KCMF1: variants seen among roughly 807,000 people sequenced by gnomAD.
The protein encoded by KCMF1 is potassium channel modulatory factor 1.
Under a neutral mutation model 41.1 loss-of-function variants are expected in KCMF1, and 3 were observed. The ratio of observed to expected loss-of-function variants is 0.07; its 90% CI spans 0.03 to 0.19. The LOEUF (loss-of-function observed/expected upper bound fraction) is 0.19, where lower values mean the gene tolerates loss of function less well. Ranked by LOEUF, KCMF1 falls within the 10% of genes least tolerant of loss-of-function variation. The pLI is 1.00. For synonymous variants in KCMF1, 142 were observed against 164.5 expected (o/e 0.86, Z 1.04); for missense variants, 286 against 488.9 (o/e 0.58, Z 3.91).
intron 1 of KCMF1, among the ~76,000 whole-genome samples, chr2:84,999,647 A>G (rs895235891): frequency 4.6e-5 from 7 of 152,370 alleles, no homozygotes; most frequent in Admixed American, 1.3e-4. Context: ...ATTTATAGAT[A>G]TGGGTAGATA....
At chr2:85,038,561 A>G (rs1383007302) in intron 3 of KCMF1, among the ~76,000 whole-genome samples, 16 of 152,194 alleles carry the variant, frequency 1.1e-4, no homozygotes, top group Admixed American at 9.8e-4. Context: ...TGAAGTTGTC[A>G]TTGGCCGTGG....
intron 1 of KCMF1, among the ~76,000 whole-genome samples, chr2:84,979,401 G>A (rs1673645762): frequency 6.6e-6 from 1 of 151,820 alleles, no homozygotes; most frequent in African/African-American, 2.4e-5. Flanking sequence ...GCAGGCGCCT[G>A]TAATCCCAGC....
At chr2:84,974,920 G>A (rs1444518131) in intron 1 of KCMF1, among the ~76,000 whole-genome samples, 3 of 151,302 alleles carry the variant, frequency 2.0e-5, no homozygotes. Context: ...TGTTGGCCAG[G>A]GTGGTCTCAA....
At chr2:84,976,385 T>C (rs1220266465) in intron 1 of KCMF1, among the ~76,000 whole-genome samples, 1 of 152,026 alleles carries the variant, frequency 6.6e-6, no homozygotes, top group Non-Finnish European at 1.5e-5. Flanking sequence ...TTTTCTATTT[T>C]TAGTGGAGAC....
At chr2:85,048,000 A>C (rs2104063375) in intron 5 of KCMF1, among the ~76,000 whole-genome samples, 1 of 152,314 alleles carries the variant, frequency 6.6e-6, no homozygotes, top group East Asian at 1.9e-4. Flanking sequence ...ACTGTTGGGT[A>C]CTGGGCTTAA....
chr2:84,983,950 TA>T (rs750905774), intron 1 of KCMF1, among the ~76,000 whole-genome samples: 29 of 152,228 alleles, frequency 1.9e-4, no homozygotes, highest in Admixed American at 9.8e-4. Flanking sequence ...GCCAAAGTCT[TA>T]AATCTTAAAT....
chr2:85,040,422 C>T (rs1364420026), intron 3 of KCMF1, among the ~76,000 whole-genome samples: 2 of 152,132 alleles, frequency 1.3e-5, no homozygotes, highest in Non-Finnish European at 2.9e-5. Context: ...TATTTGTGCC[C>T]ATGAGTGGCA....
chr2:84,985,204 G>A lies in KCMF1; in HGVS notation c.16+13737G>A, dbSNP rs143566261. 9.2e-5 allele frequency among the ~76,000 whole-genome samples: 14 copies of A among 152,318 alleles called. No homozygotes were observed. In the East Asian group the frequency reaches 2.7e-3, roughly 29 times the overall value. On this transcript the variant is annotated intron_variant, in intron 1 of 6. Coordinates refer to ENST00000409785, the MANE Select transcript of KCMF1 (RefSeq NM_020122.5). ...GGGGTGGAAAGGGGTAGGAAGTGAA[G>A]TTGGCGTAGTTCGAGCCAGATCTTG... is the stretch of plus-strand genomic sequence containing the variant.
intron 1 of KCMF1, among the ~76,000 whole-genome samples, chr2:85,014,537 T>C (rs929001612): frequency 6.6e-6 from 1 of 151,812 alleles, no homozygotes. Flanking sequence ...TCACCTTCCC[T>C]TAAAAGGGCT....
intron 6 of KCMF1, among the ~76,000 whole-genome samples, chr2:85,050,986 G>A (rs944535211): frequency 6.6e-6 from 1 of 152,282 alleles, no homozygotes. Flanking sequence ...TATCCCAGAA[G>A]TTTTGCCTTT....
chr2:85,011,498 A>G (rs776532051), intron 1 of KCMF1, among the ~76,000 whole-genome samples: 5 of 152,206 alleles, frequency 3.3e-5, no homozygotes, highest in Non-Finnish European at 7.3e-5. Flanking sequence ...TAAAACCATC[A>G]TTGCAAAAAA....
At chr2:85,042,357 G>A (rs937746415) in intron 3 of KCMF1, among the ~76,000 whole-genome samples, 1 of 152,074 alleles carries the variant, frequency 6.6e-6, no homozygotes, top group Non-Finnish European at 1.5e-5. Context: ...AGAGCAGTTT[G>A]TTTTCCCTCC....
At chr2:85,044,117 A>C (rs1574041671) in intron 4 of KCMF1, among the ~76,000 whole-genome samples, 1 of 152,256 alleles carries the variant, frequency 6.6e-6, no homozygotes, top group East Asian at 1.9e-4. Flanking sequence ...TTTCATACAA[A>C]AGAGGAAAAT....
chr2:85,016,015 A>G (rs1674759980), intron 1 of KCMF1, among the ~76,000 whole-genome samples: 1 of 152,212 alleles, frequency 6.6e-6, no homozygotes, highest in Admixed American at 6.5e-5. Context: ...GGACTCACAG[A>G]ATTCTACCTG....
intron 1 of KCMF1, among the ~76,000 whole-genome samples, chr2:85,027,605 C>A (rs947805679): frequency 2.0e-5 from 3 of 151,994 alleles, no homozygotes; most frequent in Non-Finnish European, 4.4e-5. Flanking sequence ...GGACTACTGA[C>A]CTCAAGTGAT....
intron 1 of KCMF1, among the ~76,000 whole-genome samples, chr2:85,008,645 G>A (rs1267117901): frequency 2.6e-5 from 4 of 151,638 alleles, no homozygotes; most frequent in Admixed American, 6.6e-5. Flanking sequence ...GCAGAGCATT[G>A]CTTTGTTGGA....
chr2:85,015,242 T>C (rs952449418), intron 1 of KCMF1, among the ~76,000 whole-genome samples: 3 of 151,902 alleles, frequency 2.0e-5, no homozygotes, highest in African/African-American at 7.3e-5. Context: ...CTTATCTAAT[T>C]ACTCTAGGAA....
Position 85,056,523 on chromosome 2 carries a change from G to T in KCMF1, c.*3114G>T, listed in dbSNP as rs539784994. 6.6e-6 allele frequency: 1 copy of T among 152,294 alleles called. No homozygotes were observed. Among genetic ancestry groups the T allele is most frequent in the East Asian group, 1.9e-4 (1 of 5,184 alleles). 9.4% of individuals were successfully genotyped at this position (152,294 alleles called of 1,614,324 possible). A position where few individuals can be genotyped will look rare whatever the true frequency, so the allele number is the denominator to read the frequency against. On this transcript the variant is annotated 3_prime_UTR_variant, in exon 7 of 7. Coordinates refer to ENST00000409785, the MANE Select transcript of KCMF1 (RefSeq NM_020122.5). ...CGCTTTATATATTTACTCCATGGAT[G>T]TTGGGGTAAGCACATATATCAATAG...
intron 1 of KCMF1, among the ~76,000 whole-genome samples, chr2:84,998,603 A>C (rs1674234398): frequency 6.6e-6 from 1 of 151,356 alleles, no homozygotes; most frequent in African/African-American, 2.4e-5. Context: ...TTACTTACTT[A>C]CTTACTTACT....
Sources: gnomAD v4.1 joint callset for allele counts (sites outside exome capture counted in the v4.1 genomes callset) on GRCh38, gnomAD v4.1.1 for gene constraint, MANE v1.5 for transcripts, NCBI Gene and HGNC (gene_info 2026-07-23, HGNC 2026-07-21) for gene names.